RYR2: variants seen among roughly 807,000 people sequenced by gnomAD.
RYR2 encodes the protein cardiac muscle ryanodine receptor-calcium release channel.
Under a neutral mutation model 601.1 loss-of-function variants are expected in RYR2, and 227 were observed. That is an observed-to-expected ratio of 0.38 (90% confidence interval 0.34 to 0.42). RYR2 has a LOEUF of 0.42. Among genes scored for constraint, RYR2 ranks in the 10% least tolerant of loss-of-function variants. The pLI, the probability that RYR2 is intolerant of heterozygous loss-of-function variation, is 1.00. For synonymous variants in RYR2, 2,223 were observed against 2,175.1 expected, an observed-to-expected ratio of 1.02 and a Z score of -0.61; for missense variants, 4,646 against 6,156.5, an observed-to-expected ratio of 0.75 and a Z score of 8.21.
At chr1:237,759,503 G>A (rs992279067) in intron 82 of RYR2, among the ~76,000 whole-genome samples, 1 of 152,176 alleles carries the variant, frequency 6.6e-6, no homozygotes, top group Admixed American at 6.5e-5. Context: ...CTTTAAGAGT[G>A]ACCAGGAGAG....
chr1:237,587,790 C>T (rs1674697787), intron 29 of RYR2, among the ~76,000 whole-genome samples: 1 of 152,036 alleles, frequency 6.6e-6, no homozygotes, highest in Non-Finnish European at 1.5e-5. Flanking sequence ...ATTAGTGAAA[C>T]AAATAGCCAA....
At chr1:237,274,404 TA>T (rs71762880) in intron 2 of RYR2, among the ~76,000 whole-genome samples, 24,031 of 151,306 alleles carry the variant, frequency 0.16, 2,361 homozygotes, top group East Asian at 0.53. Context: ...CAAAAAAGTT[TA>T]AAAAGTAAAA....
chr1:237,207,735 T>G (rs966977119), intron 1 of RYR2, among the ~76,000 whole-genome samples: 3 of 152,342 alleles, frequency 2.0e-5, no homozygotes, highest in South Asian at 2.1e-4. Flanking sequence ...CAAAATGGAC[T>G]GAGACACCAC....
intron 95 of RYR2, among the ~76,000 whole-genome samples, chr1:237,794,353 A>C (rs1414295993): frequency 1.3e-5 from 2 of 152,124 alleles, no homozygotes; most frequent in Non-Finnish European, 2.9e-5. Context: ...TCATTAACGA[A>C]AAAGTTGTAG....
chr1:237,674,340 T>A, intron 59 of RYR2, 121 bp downstream of exon 59: 1 of 764,332 alleles, frequency 1.3e-6, no homozygotes, highest in African/African-American at 1.8e-5. Flanking sequence ...AGGTACTGTT[T>A]AATATGTTTA....
At chr1:237,700,672 A>G (rs1687891328) in intron 65 of RYR2, among the ~76,000 whole-genome samples, 1 of 152,212 alleles carries the variant, frequency 6.6e-6, no homozygotes, top group Non-Finnish European at 1.5e-5. Context: ...ATGGACCCAC[A>G]GAGAGGACCA....
At chr1:237,085,800 A>T (rs4074496) in intron 1 of RYR2, among the ~76,000 whole-genome samples, 58,880 of 151,920 alleles carry the variant, frequency 0.39, 12,495 homozygotes, top group Middle Eastern at 0.5. Context: ...CCCAGGCTGG[A>T]TGGAGTACAG....
chr1:237,184,676 GA>G (rs1337167608), intron 1 of RYR2, among the ~76,000 whole-genome samples: 1 of 152,110 alleles, frequency 6.6e-6, no homozygotes, highest in African/African-American at 2.4e-5. Flanking sequence ...GTGGACTTAT[GA>G]ACGGTCTAGG....
chr1:237,298,517 A>C (rs974465032), intron 2 of RYR2, among the ~76,000 whole-genome samples: 1 of 152,034 alleles, frequency 6.6e-6, no homozygotes, highest in African/African-American at 2.4e-5. Flanking sequence ...ATTATTCTAA[A>C]TTCTTTAATC....
intron 1 of RYR2, among the ~76,000 whole-genome samples, chr1:237,208,983 T>TTATATATATAC (rs1558428477): frequency 1.6e-5 from 2 of 125,458 alleles, no homozygotes; most frequent in African/African-American, 3.3e-5. Flanking sequence ...TATATATATA[T>TTATATATATAC]ATGTATACTG....
At chr1:237,055,281 A>G (rs1026716887) in intron 1 of RYR2, among the ~76,000 whole-genome samples, 2 of 152,112 alleles carry the variant, frequency 1.3e-5, no homozygotes, top group African/African-American at 2.4e-5. Flanking sequence ...TTCTTAATTC[A>G]TAAGGTAAAA....
chr1:237,133,641 A>G (rs1032872880), intron 1 of RYR2, among the ~76,000 whole-genome samples: 8 of 152,146 alleles, frequency 5.3e-5, no homozygotes, highest in African/African-American at 1.2e-4. Flanking sequence ...AGGAGAAGAG[A>G]GCAACTTGTA....
chr1:237,728,646 A>C (rs977615324), intron 76 of RYR2, among the ~76,000 whole-genome samples: 2 of 152,106 alleles, frequency 1.3e-5, no homozygotes, highest in South Asian at 2.1e-4. Flanking sequence ...GACATGGATA[A>C]AGCTGGAAAC....
chr1:237,127,136 G>C (rs1217892295), intron 1 of RYR2, among the ~76,000 whole-genome samples: 8 of 152,048 alleles, frequency 5.3e-5, no homozygotes, highest in African/African-American at 1.7e-4. Flanking sequence ...CAAGGCAGAA[G>C]AATTTTTCTT....
intron 24 of RYR2, among the ~76,000 whole-genome samples, chr1:237,522,028 G>A (rs1572704386): frequency 6.6e-6 from 1 of 152,004 alleles, no homozygotes; most frequent in East Asian, 1.9e-4. Context: ...CAACGTGCAG[G>A]TTAAATATGT....
chr1:237,149,368 A>C (rs1325238839), intron 1 of RYR2, among the ~76,000 whole-genome samples: 1 of 152,212 alleles, frequency 6.6e-6, no homozygotes, highest in Admixed American at 6.5e-5. Flanking sequence ...ACAAAGCAAG[A>C]AAATTTTAAA....
intron 78 of RYR2, among the ~76,000 whole-genome samples, chr1:237,733,429 C>A (rs1690866443): frequency 6.6e-6 from 1 of 152,090 alleles, no homozygotes; most frequent in Non-Finnish European, 1.5e-5. Flanking sequence ...AAAATTATTA[C>A]ATTTGTGTGT....
Position 237,403,104 on chromosome 1 carries a change from G to A in RYR2, c.774-13945G>A, listed in dbSNP as rs139519010. On this transcript the variant is annotated intron_variant, in intron 10 of 104. Transcript: ENST00000366574. Reference sequence around the variant, plus strand: ...GGAGACAAAGAGAACTCACAGGTGCGTGGAGTAAAGGAAGTATTTAATACA... The same window carrying A: ...GGAGACAAAGAGAACTCACAGGTGCATGGAGTAAAGGAAGTATTTAATACA... Among the ~76,000 whole-genome samples the A allele has an allele frequency of 3.6e-3, 544 of 152,232 alleles. 7 individuals carry two copies. Among genetic ancestry groups the A allele is most frequent in the African/African-American group, 0.013 (521 of 41,526 alleles).
intron 16 of RYR2, among the ~76,000 whole-genome samples, chr1:237,463,063 GTGTTTTGTTT>G (rs1420919339): frequency 6.6e-6 from 1 of 152,140 alleles, no homozygotes; most frequent in East Asian, 1.9e-4. Flanking sequence ...ACATTCTGAA[GTGTTTTGTTT>G]TGTTTGCTCG....
Sources: gnomAD v4.1 joint callset for allele counts (sites outside exome capture counted in the v4.1 genomes callset) on GRCh38, gnomAD v4.1.1 for gene constraint, MANE v1.5 for transcripts, NCBI Gene and HGNC (gene_info 2026-07-23, HGNC 2026-07-21) for gene names.